The following TYW1 variants were observed in gnomAD, a reference collection of about 807,000 sequenced individuals.
TYW1 encodes the protein tRNA-yW synthesizing protein 1 homolog, also known as S-adenosyl-L-methionine-dependent tRNA 4-demethylwyosine synthase TYW1.
In TYW1, 46 loss-of-function variants were observed where a neutral mutation model predicts 96.2. That is an observed-to-expected ratio of 0.48 (90% CI 0.38 to 0.61). The LOEUF (loss-of-function observed/expected upper bound fraction) is 0.61. TYW1 is among the 20% of genes least tolerant of loss of function. TYW1 has a pLI of 0.00. For synonymous variants in TYW1, 274 were observed against 323.0 expected (o/e 0.85, Z 1.63); for missense variants, 684 against 909.6 (o/e 0.75, Z 3.19).
chr7:67,038,629 C>G (rs189785288), intron 7 of TYW1, among the ~76,000 whole-genome samples: 12 of 151,950 alleles, frequency 7.9e-5, no homozygotes, highest in South Asian at 6.2e-4. Flanking sequence ...TGTGGCCAGG[C>G]ATGATGGCTC....
At chr7:67,206,632 TA>T (rs1800810366) in intron 15 of TYW1, among the ~76,000 whole-genome samples, 1 of 123,402 alleles carries the variant, frequency 8.1e-6, no homozygotes, top group African/African-American at 3.0e-5. Flanking sequence ...CATAAATAAA[TA>T]AATAAATAAA....
chr7:67,047,829 C>G (rs1795235512), intron 7 of TYW1, among the ~76,000 whole-genome samples: 1 of 141,976 alleles, frequency 7.0e-6, no homozygotes, highest in Non-Finnish European at 1.5e-5. Flanking sequence ...TCTCTGTCGC[C>G]CAGGCTGGAG....
chr7:67,008,789 G>A (rs13307578), intron 3 of TYW1, among the ~76,000 whole-genome samples: 3 of 151,824 alleles, frequency 2.0e-5, no homozygotes, highest in Non-Finnish European at 4.4e-5. Context: ...CAGCCTCCCG[G>A]GTAGCTGGGA....
In TYW1 at chr7:67,235,147, G is replaced by A. The variant is rs1801843908; in HGVS notation, c.1978-3161G>A. The stretch of plus-strand genomic sequence containing the variant: ...ACACAAATAGGGAAGAAGAGAGTAT[G>A]GTCATCTCTTGTCTTTCAGCAAGCA... On this transcript the variant is annotated intron_variant, in intron 15 of 15. Coordinates refer to ENST00000359626, the MANE Select transcript of TYW1 (RefSeq NM_018264.4). 3.9e-5 allele frequency among the ~76,000 whole-genome samples: 6 copies of A among 152,202 alleles called. No individual in the cohort carries two copies. In the South Asian group the frequency reaches 1.2e-3, roughly 32 times the overall value.
intron 13 of TYW1, among the ~76,000 whole-genome samples, chr7:67,144,419 T>C (rs1018400905): frequency 5.3e-5 from 8 of 152,252 alleles, no homozygotes; most frequent in African/African-American, 1.4e-4. Context: ...AATACAGGCG[T>C]ACCCTACAGG....
chr7:67,053,527 A>G lies in TYW1; in HGVS notation c.1103-2308A>G, dbSNP rs191617679. On this transcript the variant is annotated intron_variant, in intron 8 of 15. Coordinates refer to ENST00000359626, the MANE Select transcript of TYW1 (RefSeq NM_018264.4). ...CCCGAGTAGCTGGGATTACATGCATACGCCACCACGCCTGGCTAATTTTTA... is the reference window on the plus strand; with the variant it reads ...CCCGAGTAGCTGGGATTACATGCATGCGCCACCACGCCTGGCTAATTTTTA... Among the ~76,000 whole-genome samples the G allele has an allele frequency of 7.3e-5, 11 of 151,546 alleles. No individual in the cohort carries two copies. In the East Asian group the frequency reaches 1.4e-3, roughly 19 times the overall value.
chr7:67,033,166 G>A (rs565294444), intron 7 of TYW1, among the ~76,000 whole-genome samples: 2 of 152,072 alleles, frequency 1.3e-5, no homozygotes, highest in Non-Finnish European at 2.9e-5. Flanking sequence ...CAAAGTGTTG[G>A]GATTCCAGGC....
intron 15 of TYW1, among the ~76,000 whole-genome samples, chr7:67,205,216 TCCC>T (rs912744858): frequency 5.9e-5 from 9 of 152,048 alleles, no homozygotes; most frequent in Non-Finnish European, 1.2e-4. Flanking sequence ...AAAGTCCATT[TCCC>T]CCCTCAGCTT....
intron 14 of TYW1, among the ~76,000 whole-genome samples, chr7:67,191,999 T>G (rs34566330): frequency 0.28 from 42,246 of 149,400 alleles, 6,668 homozygotes; most frequent in African/African-American, 0.42. Context: ...GGGTTCGAGC[T>G]ATTCTCCTGC....
intron 13 of TYW1, among the ~76,000 whole-genome samples, chr7:67,126,539 A>C (rs1797918452): frequency 6.8e-6 from 1 of 146,600 alleles, no homozygotes; most frequent in Admixed American, 6.8e-5. Flanking sequence ...GCTATTACCA[A>C]ATCCACGGTC....
chr7:67,000,870 G>A (rs1793360585), intron 3 of TYW1, among the ~76,000 whole-genome samples: 1 of 152,114 alleles, frequency 6.6e-6, no homozygotes, highest in African/African-American at 2.4e-5. Context: ...TCTTGTGGAA[G>A]TTGCGCAGAA....
chr7:67,077,831 A>G (rs1293134228), intron 10 of TYW1, among the ~76,000 whole-genome samples: 1 of 152,166 alleles, frequency 6.6e-6, no homozygotes. Flanking sequence ...CCAGTGTCCT[A>G]AAGTGTTTCC....
intron 9 of TYW1, among the ~76,000 whole-genome samples, chr7:67,061,433 TC>T (rs1795692468): frequency 6.6e-6 from 1 of 152,138 alleles, no homozygotes; most frequent in Non-Finnish European, 1.5e-5. Flanking sequence ...AACTTTTTCT[TC>T]CCACATTGAT....
intron 13 of TYW1, among the ~76,000 whole-genome samples, chr7:67,140,243 G>T (rs1010385310): frequency 2.0e-5 from 3 of 152,166 alleles, no homozygotes; most frequent in African/African-American, 7.2e-5. Flanking sequence ...TGAGATTTGG[G>T]TGGGGACCCA....
chr7:67,029,499 A>G (rs906928575), intron 7 of TYW1, among the ~76,000 whole-genome samples: 2 of 149,726 alleles, frequency 1.3e-5, no homozygotes, highest in African/African-American at 4.9e-5. Flanking sequence ...TCTGGCACCA[A>G]ATGGGTATCC....
At chr7:67,120,750 C>A (rs917644841) in intron 13 of TYW1, among the ~76,000 whole-genome samples, 1 of 152,146 alleles carries the variant, frequency 6.6e-6, no homozygotes, top group African/African-American at 2.4e-5. Flanking sequence ...TACTTCCTGT[C>A]TTTGGTCAAA....
At chr7:67,143,620 C>A (rs1798516471) in intron 13 of TYW1, among the ~76,000 whole-genome samples, 1 of 152,090 alleles carries the variant, frequency 6.6e-6, no homozygotes, top group Non-Finnish European at 1.5e-5. Context: ...CCACCAGAGT[C>A]CAAGAGCATG....
intron 11 of TYW1, among the ~76,000 whole-genome samples, chr7:67,091,421 G>T (rs537163567): frequency 6.9e-6 from 1 of 145,020 alleles, no homozygotes; most frequent in African/African-American, 2.5e-5. Flanking sequence ...TCATGGGTTG[G>T]GGGGAGGGGG....
rs545328406 is a variant in TYW1 at position 67,030,966 on chromosome 7, C to T, written c.984+5944C>T. On this transcript the variant is annotated intron_variant, in intron 7 of 15. Transcript: ENST00000359626. ...CTGTAATCCCAGCACTTTGGGAGAC[C>T]GAGGTGGGTGGATCACCTGAGGTCA... 1.7e-4 allele frequency among the ~76,000 whole-genome samples: 25 copies of T among 151,476 alleles called. No homozygotes were observed. The South Asian group carries it at 4.0e-3, about 24-fold the overall frequency.
Sources: allele counts gnomAD v4.1 joint callset (sites outside exome capture counted in the v4.1 genomes callset), GRCh38; gene constraint gnomAD v4.1.1; transcripts MANE v1.5; gene names NCBI Gene and HGNC (gene_info 2026-07-23, HGNC 2026-07-21).